Variants in TRMT11 observed in about 807,000 individuals in gnomAD.
TRMT11 encodes the protein tRNA methyltransferase 11.
Under a neutral mutation model 62.8 loss-of-function variants are expected in TRMT11, and 53 were observed. The ratio of observed to expected loss-of-function variants is 0.84; its 90% CI spans 0.68 to 1.06. The LOEUF is 1.06. Ranked by LOEUF, TRMT11 falls within the 50% of genes least tolerant of loss-of-function variation. TRMT11 has a pLI of 0.00. For synonymous variants in TRMT11, 188 were observed against 190.3 expected (o/e 0.99, Z 0.10); for missense variants, 556 against 553.4 (o/e 1.00, Z -0.05).
Position 125,999,609 on chromosome 6 carries a change from A to G in TRMT11, c.675A>G (p.Gly225=). The G allele has an allele frequency of 6.2e-7, 1 of 1,607,724 alleles. No individual in the cohort carries two copies. Among genetic ancestry groups the G allele is most frequent in the Non-Finnish European group, 8.5e-7 (1 of 1,176,996 alleles). ...ENDIVFDPFV[G]TGGLLIACAH... ...ATATTGTCTTTGATCCATTTGTTGG[A>G]ACAGGTATTTTTATTTAACTTTTAA... The change falls in exon 7 of 13, where the codon GGA becomes GGG. Residue 225 remains glycine, a synonymous_variant. Transcript: ENST00000334379.
rs752641109 is a variant in TRMT11, at chr6:125,999,521, A to G, written c.587A>G (p.Asn196Ser). ...YSVKKRHFIG[N>S]TSMDAGLSFI... ...GTCAAAAAGAGACACTTTATTGGAAATACAAGTATGGATGCTGGTTTGTCA... is the reference window on the plus strand; with the variant it reads ...GTCAAAAAGAGACACTTTATTGGAAGTACAAGTATGGATGCTGGTTTGTCA... Residue 196 changes from asparagine (N) to serine (S), a missense_variant, in exon 7 of 13, where the codon AAT (asparagine) becomes AGT (serine). Coordinates refer to ENST00000334379, the MANE Select transcript of TRMT11 (RefSeq NM_001031712.3). 6.2e-7 allele frequency: 1 copy of G among 1,612,234 alleles called. No homozygotes were observed. The highest frequency in any genetic ancestry group is 1.7e-5 in the Admixed American group (1 of 59,958).
chr6:125,993,683 A>G, intron 1 of TRMT11, 74 bp from the exon 2 acceptor site: 1 of 925,096 alleles, frequency 1.1e-6, no homozygotes, highest in Non-Finnish European at 1.7e-6. Flanking sequence ...TAGTCATGTA[A>G]TACCTGTCTC....
chr6:126,000,670 A>G (rs756572644), intron 7 of TRMT11, among the ~76,000 whole-genome samples: 2 of 152,092 alleles, frequency 1.3e-5, no homozygotes, highest in Non-Finnish European at 2.9e-5. Flanking sequence ...GTACTAACTT[A>G]AGGAATATGA....
At chr6:126,111,268 A>G (rs1777528022) in intron 17 of TRMT11, among the ~76,000 whole-genome samples, 2 of 152,100 alleles carry the variant, frequency 1.3e-5, no homozygotes. Context: ...AACCAATGCA[A>G]CAAATAATCA....
intron 17 of TRMT11, among the ~76,000 whole-genome samples, chr6:126,079,156 C>T (rs1777102094): frequency 6.6e-6 from 1 of 152,222 alleles, no homozygotes; most frequent in Admixed American, 6.5e-5. Flanking sequence ...ACATGAAAAT[C>T]CCAGGACAAG....
At chr6:126,005,957 G>A (rs1305220413) in intron 7 of TRMT11, among the ~76,000 whole-genome samples, 2 of 151,942 alleles carry the variant, frequency 1.3e-5, no homozygotes, top group Non-Finnish European at 2.9e-5. Flanking sequence ...GGAAAGGAGT[G>A]TAGCTCCTTT....
downstream of TRMT11, among the ~76,000 whole-genome samples, chr6:126,205,082 T>C (rs183423176): frequency 2.7e-4 from 41 of 152,336 alleles, no homozygotes; most frequent in Admixed American, 2.4e-3. Context: ...TTTCAGGCTA[T>C]TATATTCAGA....
At chr6:126,019,160 G>A (rs1018463468) in intron 11 of TRMT11, among the ~76,000 whole-genome samples, 25 of 152,162 alleles carry the variant, frequency 1.6e-4, no homozygotes, top group Non-Finnish European at 2.9e-5. Flanking sequence ...GATTACAGGC[G>A]TGAGCCACCA....
intron 17 of TRMT11, among the ~76,000 whole-genome samples, chr6:126,068,076 C>G (rs73773353): frequency 0.014 from 2,066 of 152,140 alleles, 51 homozygotes; most frequent in African/African-American, 0.045. Flanking sequence ...AACCTCTTCC[C>G]ATGTGTATAG....
chr6:126,110,453 A>G (rs1232447387), intron 17 of TRMT11, among the ~76,000 whole-genome samples: 1 of 152,200 alleles, frequency 6.6e-6, no homozygotes, highest in East Asian at 1.9e-4. Context: ...ACATTAGAAA[A>G]TAATTGCTTC....
chr6:126,200,657 A>C (rs1583907974), intron 3 of TRMT11, among the ~76,000 whole-genome samples: 1 of 152,126 alleles, frequency 6.6e-6, no homozygotes, highest in African/African-American at 2.4e-5. Flanking sequence ...TGGGTTCACG[A>C]CATTCTCCTG....
intron 12 of TRMT11, among the ~76,000 whole-genome samples, chr6:126,029,137 AT>A (rs1773726020): frequency 6.6e-6 from 1 of 152,102 alleles, no homozygotes; most frequent in Non-Finnish European, 1.5e-5. Context: ...CTTATTTGTC[AT>A]ATGTTTATTT....
At chr6:126,149,679 C>T (rs2128220546) in intron 21 of TRMT11, among the ~76,000 whole-genome samples, 1 of 152,228 alleles carries the variant, frequency 6.6e-6, no homozygotes, top group African/African-American at 2.4e-5. Flanking sequence ...AGTTCTCAAC[C>T]CAGAGCAGTG....
At chr6:126,034,252 T>G (rs1277892958) in intron 12 of TRMT11, among the ~76,000 whole-genome samples, 1 of 152,176 alleles carries the variant, frequency 6.6e-6, no homozygotes, top group African/African-American at 2.4e-5. Flanking sequence ...TTTAGCCCCC[T>G]TGTGTCCCTA....
chr6:126,044,157 A>T (rs1775976560), downstream of TRMT11, among the ~76,000 whole-genome samples: 1 of 151,920 alleles, frequency 6.6e-6, no homozygotes, highest in South Asian at 2.1e-4. Context: ...GGTAATGCCT[A>T]GGTTTTCTTC....
At chr6:126,199,672 C>G (rs573608067) in intron 2 of TRMT11, 1 of 152,370 alleles carries the variant, frequency 6.6e-6, no homozygotes, top group African/African-American at 2.4e-5. Context: ...GAAACTAAAA[C>G]TAGCAAAGGG....
chr6:126,192,365 A>G (rs1175252780), intron 1 of TRMT11, among the ~76,000 whole-genome samples: 1 of 152,170 alleles, frequency 6.6e-6, no homozygotes, highest in Non-Finnish European at 1.5e-5. Context: ...TTTTATAAAT[A>G]TAAGATCATG....
intron 3 of TRMT11, among the ~76,000 whole-genome samples, chr6:126,200,588 C>T (rs1383628361): frequency 1.3e-5 from 2 of 152,182 alleles, no homozygotes. Context: ...GAGTCTTGCT[C>T]TGTCGCCCAG....
At chr6:126,255,627 A>G in the TRMT11 span, among the ~76,000 whole-genome samples, 1 of 152,232 alleles carries the variant, frequency 6.6e-6, no homozygotes, top group Non-Finnish European at 1.5e-5. Context: ...AATGTCAGCA[A>G]TGATTTTAAA....
Sources: allele counts gnomAD v4.1 joint callset (sites outside exome capture counted in the v4.1 genomes callset), GRCh38; gene constraint gnomAD v4.1.1; transcripts MANE v1.5; gene names NCBI Gene and HGNC (gene_info 2026-07-23, HGNC 2026-07-21).